Variants in WDFY2 observed in about 807,000 individuals in gnomAD.
The protein encoded by WDFY2 is WD repeat and FYVE domain containing 2, also known as WD repeat and FYVE domain-containing protein 2.
In WDFY2, 36 loss-of-function variants were observed where a neutral mutation model predicts 56.4. That is an observed-to-expected ratio of 0.64 (90% CI 0.49 to 0.84). The LOEUF is 0.84. WDFY2 is among the 40% of genes least tolerant of loss of function. The pLI, the probability that WDFY2 is intolerant of heterozygous loss-of-function variation, is 0.00. For synonymous variants in WDFY2, 176 were observed against 183.7 expected, an observed-to-expected ratio of 0.96 and a Z score of 0.34; for missense variants, 444 against 512.2, an observed-to-expected ratio of 0.87 and a Z score of 1.29.
intron 3 of WDFY2, among the ~76,000 whole-genome samples, chr13:51,681,952 A>G (rs931082994): frequency 3.9e-5 from 6 of 152,312 alleles, no homozygotes; most frequent in Middle Eastern, 3.4e-3. Context: ...CCTACATGTT[A>G]TCTAAAAACT....
intron 2 of WDFY2, among the ~76,000 whole-genome samples, chr13:51,667,118 A>G (rs911995990): frequency 1.5e-4 from 23 of 152,208 alleles, no homozygotes; most frequent in African/African-American, 4.8e-5. Context: ...TGGTTATTAG[A>G]TATACCAAAT....
At chr13:51,653,081 T>C (rs1452398554) in intron 1 of WDFY2, among the ~76,000 whole-genome samples, 2 of 152,216 alleles carry the variant, frequency 1.3e-5, no homozygotes, top group Admixed American at 6.5e-5. Context: ...TAGTCCCATA[T>C]TTCTTGGAGG....
At chr13:51,659,506 C>T (rs1306252602) in intron 1 of WDFY2, among the ~76,000 whole-genome samples, 2 of 152,152 alleles carry the variant, frequency 1.3e-5, no homozygotes, top group East Asian at 1.9e-4. Flanking sequence ...CGGGATAATA[C>T]CTTTCAACCT....
intron 10 of WDFY2, 46 bp from the exon 11 acceptor site, chr13:51,758,144 CAT>C (rs766963244): frequency 2.1e-6 from 3 of 1,450,894 alleles, no homozygotes; most frequent in East Asian, 4.6e-5. Context: ...CTCTCTCATT[CAT>C]ATGTCACCAC....
At chr13:51,604,611 T>G (rs1421309274) in intron 1 of WDFY2, among the ~76,000 whole-genome samples, 4 of 152,178 alleles carry the variant, frequency 2.6e-5, no homozygotes, top group African/African-American at 4.8e-5. Context: ...TGTGGCTATT[T>G]GAGTTTAAAT....
chr13:51,608,439 T>TGG (rs1458839906), intron 1 of WDFY2, among the ~76,000 whole-genome samples: 1 of 152,188 alleles, frequency 6.6e-6, no homozygotes, highest in Non-Finnish European at 1.5e-5. Flanking sequence ...CCCAACACTT[T>TGG]GGGAGGCCAA....
At chr13:51,668,723 A>G (rs990717192) in intron 2 of WDFY2, among the ~76,000 whole-genome samples, 12 of 152,208 alleles carry the variant, frequency 7.9e-5, no homozygotes, top group African/African-American at 2.4e-4. Flanking sequence ...TATTTGCAGA[A>G]GTCACCGTTG....
chr13:51,693,357 T>C (rs1461164434), intron 3 of WDFY2, among the ~76,000 whole-genome samples: 2 of 151,520 alleles, frequency 1.3e-5, no homozygotes, highest in Admixed American at 6.6e-5. Context: ...GCTTTGAATG[T>C]GTCCCAGAGA....
chr13:51,600,896 G>A (rs1001960429), intron 1 of WDFY2, among the ~76,000 whole-genome samples: 2 of 152,100 alleles, frequency 1.3e-5, no homozygotes, highest in Non-Finnish European at 1.5e-5. Context: ...GCTATTTTCC[G>A]TGAAGTCTGC....
At chr13:51,737,551 T>TAAAAAAAAAAA (rs67418551) in intron 6 of WDFY2, among the ~76,000 whole-genome samples, 13 of 53,240 alleles carry the variant, frequency 2.4e-4, no homozygotes, top group African/African-American at 5.5e-4. Context: ...ACAATGAATT[T>TAAAAAAAAAAA]AAAAAAAAAA....
intron 1 of WDFY2, among the ~76,000 whole-genome samples, chr13:51,627,593 A>T (rs1017388665): frequency 3.3e-5 from 5 of 151,928 alleles, no homozygotes; most frequent in African/African-American, 1.2e-4. Context: ...CATGTTGGCC[A>T]GGCTGGTCTT....
intron 1 of WDFY2, among the ~76,000 whole-genome samples, chr13:51,610,498 A>G (rs1476221780): frequency 6.6e-6 from 1 of 152,208 alleles, no homozygotes; most frequent in African/African-American, 2.4e-5. Flanking sequence ...TAGATTAAGC[A>G]CATAAATTTC....
chr13:51,747,918 A>G (rs1438160656), intron 7 of WDFY2, among the ~76,000 whole-genome samples: 2 of 152,176 alleles, frequency 1.3e-5, no homozygotes, highest in African/African-American at 4.8e-5. Context: ...ACACATCCTA[A>G]AAATTTTATT....
intron 3 of WDFY2, among the ~76,000 whole-genome samples, chr13:51,695,647 T>C (rs930843403): frequency 6.6e-6 from 1 of 152,236 alleles, no homozygotes; most frequent in African/African-American, 2.4e-5. Context: ...GGGACCCACC[T>C]GAGGAGGCAG....
At chr13:51,676,488 C>T in intron 3 of WDFY2, among the ~76,000 whole-genome samples, 1 of 152,228 alleles carries the variant, frequency 6.6e-6, no homozygotes, top group Non-Finnish European at 1.5e-5. Context: ...TTTAATAGTT[C>T]AACTGGACTT....
intron 1 of WDFY2, among the ~76,000 whole-genome samples, chr13:51,597,530 A>C (rs1195236484): frequency 6.6e-6 from 1 of 152,186 alleles, no homozygotes; most frequent in Non-Finnish European, 1.5e-5. Context: ...GCTTTTTCAA[A>C]ACTTTTGCTT....
rs1199311766 is a variant in WDFY2 at position 51,766,373 on chromosome 13, A to G, written c.*6604A>G. 6.6e-6 allele frequency: 1 copy of G among 152,242 alleles called. No individual in the cohort carries two copies. Among genetic ancestry groups the G allele is most frequent in the Non-Finnish European group, 1.5e-5 (1 of 68,038 alleles). 9.4% of individuals were successfully genotyped at this position (152,242 alleles called of 1,614,324 possible). A position where few individuals can be genotyped will look rare whatever the true frequency, so the allele number is the denominator to read the frequency against. ...CCATTCTCTACATCCACCGGACTGC[A>G]GCCCAAGTCTGGACCTGGCTGCAGT... On this transcript the variant is annotated 3_prime_UTR_variant, in exon 12 of 12. Coordinates refer to ENST00000298125, the MANE Select transcript of WDFY2 (RefSeq NM_052950.4).
chr13:51,714,414 C>T (rs1410232616), intron 4 of WDFY2, among the ~76,000 whole-genome samples: 1 of 152,124 alleles, frequency 6.6e-6, no homozygotes, highest in African/African-American at 2.4e-5. Flanking sequence ...GCCTCAGCCT[C>T]CCAAGTAGCT....
chr13:51,709,611 C>T (rs1396389635), intron 4 of WDFY2, among the ~76,000 whole-genome samples: 5 of 151,986 alleles, frequency 3.3e-5, no homozygotes, highest in African/African-American at 4.8e-5. Flanking sequence ...ATATCACCAC[C>T]GATCCCACAG....
Sources: gnomAD v4.1 joint callset for allele counts (sites outside exome capture counted in the v4.1 genomes callset) on GRCh38, gnomAD v4.1.1 for gene constraint, MANE v1.5 for transcripts, NCBI Gene and HGNC (gene_info 2026-07-23, HGNC 2026-07-21) for gene names.